The following NRG2 variants were observed in gnomAD, a reference collection of about 807,000 sequenced individuals.
NRG2 encodes the protein neuregulin 2.
A neutral mutation model predicts 73.9 loss-of-function variants in NRG2; 27 were observed. That is an observed-to-expected ratio of 0.37 (90% confidence interval 0.27 to 0.50). The LOEUF is 0.50. NRG2 is among the 20% of genes least tolerant of loss of function. NRG2 has a pLI of 0.96. For missense variants in NRG2, 1,126 were observed against 1,210.1 expected, an observed-to-expected ratio of 0.93 and a Z score of 1.03; for synonymous variants, 532 against 541.0, an observed-to-expected ratio of 0.98 and a Z score of 0.23.
intron 1 of NRG2, among the ~76,000 whole-genome samples, chr5:139,917,404 G>A (rs572223572): frequency 5.3e-5 from 8 of 152,006 alleles, no homozygotes; most frequent in African/African-American, 1.9e-4. Flanking sequence ...GGCATGCACC[G>A]CTGTGCCTGG....
chr5:139,892,024 C>T (rs1317782534), intron 1 of NRG2, among the ~76,000 whole-genome samples: 1 of 152,164 alleles, frequency 6.6e-6, no homozygotes, highest in East Asian at 1.9e-4. Context: ...TGCTAAAAGC[C>T]ATGCCTCCTG....
chr5:139,913,592 C>T (rs112451978), intron 1 of NRG2, among the ~76,000 whole-genome samples: 1,834 of 152,348 alleles, frequency 0.012, 10 homozygotes, highest in Middle Eastern at 0.041. Context: ...CCTTTGTGCC[C>T]TCTCCCCTGC....
chr5:139,963,480 T>G (rs1474893035), intron 1 of NRG2, among the ~76,000 whole-genome samples: 3 of 152,230 alleles, frequency 2.0e-5, no homozygotes, highest in Non-Finnish European at 4.4e-5. Context: ...AGCTAAGACA[T>G]ATCTCCCTGA....
chr5:139,884,072 G>C (rs1221231649), intron 2 of NRG2, among the ~76,000 whole-genome samples: 1 of 152,180 alleles, frequency 6.6e-6, no homozygotes, highest in African/African-American at 2.4e-5. Flanking sequence ...GGCTAGTCCT[G>C]CAAGATTCTC....
At chr5:140,001,358 T>C (rs1414343014) in intron 1 of NRG2, among the ~76,000 whole-genome samples, 5 of 152,198 alleles carry the variant, frequency 3.3e-5, no homozygotes, top group African/African-American at 1.2e-4. Flanking sequence ...TTTTCACACA[T>C]GGTTATCTCA....
At chr5:139,990,348 G>T (rs1476483938) in intron 1 of NRG2, among the ~76,000 whole-genome samples, 1 of 150,420 alleles carries the variant, frequency 6.6e-6, no homozygotes, top group Non-Finnish European at 1.5e-5. Context: ...TATCATCCAG[G>T]CTGGAGGGCA....
chr5:140,011,733 C>G (rs544508667), intron 1 of NRG2, among the ~76,000 whole-genome samples: 1 of 152,288 alleles, frequency 6.6e-6, no homozygotes, highest in East Asian at 1.9e-4. Context: ...TTATTTGTAG[C>G]CTTGTGAAAG....
chr5:139,917,537 C>T (rs769651531), intron 1 of NRG2, among the ~76,000 whole-genome samples: 1 of 152,198 alleles, frequency 6.6e-6, no homozygotes, highest in Non-Finnish European at 1.5e-5. Flanking sequence ...CAGGTGTAAG[C>T]CACTGTCCCC....
At chr5:139,860,564 G>C (rs1229364589) in intron 5 of NRG2, among the ~76,000 whole-genome samples, 1 of 152,116 alleles carries the variant, frequency 6.6e-6, no homozygotes, top group African/African-American at 2.4e-5. Flanking sequence ...ACTTGACACC[G>C]CAACACCCTA....
In NRG2 at chr5:139,894,492, G is replaced by A. The variant is rs1466668139; in HGVS notation, c.701-6981C>T. ...AACCCACTAAGCTAAAAACACAGCT[G>A]GTTTAAGTAGGCACAGACGGCCTAG... On this transcript the variant is annotated intron_variant, in intron 1 of 9. Transcript: ENST00000361474. This position sits in a 1 kb window ranked among gnomAD's most constrained non-coding sequence, Gnocchi z 5.0. 6.6e-6 allele frequency among the ~76,000 whole-genome samples: 1 copy of A among 151,804 alleles called. No homozygotes were observed. The highest frequency in any genetic ancestry group is 1.5e-5 in the Non-Finnish European group (1 of 67,918).
At chr5:139,850,975 C>T (rs1172641357) in intron 9 of NRG2, among the ~76,000 whole-genome samples, 1 of 152,078 alleles carries the variant, frequency 6.6e-6, no homozygotes, top group South Asian at 2.1e-4. Flanking sequence ...CAGAACAGCC[C>T]CTGTTTGTTC....
chr5:139,890,571 TC>T (rs1764154873), intron 1 of NRG2, among the ~76,000 whole-genome samples: 1 of 151,068 alleles, frequency 6.6e-6, no homozygotes, highest in Non-Finnish European at 1.5e-5. Flanking sequence ...GTGACTGAAA[TC>T]CTGCTTTATC....
chr5:140,021,366 A>G (rs1053355411), intron 1 of NRG2, among the ~76,000 whole-genome samples: 4 of 152,188 alleles, frequency 2.6e-5, no homozygotes, highest in African/African-American at 9.7e-5. Flanking sequence ...AGGTCCAATG[A>G]AAAATTCCAT....
Position 139,915,217 on chromosome 5 carries a change from C to T in NRG2, c.701-27706G>A, listed in dbSNP as rs1291440309. The stretch of plus-strand genomic sequence containing the variant: ...GTTGTGCTGTAAAATCATTATCTGA[C>T]AATCATAATTTTATTTTTAAGAGCT... On this transcript the variant is annotated intron_variant, in intron 1 of 9. Transcript: ENST00000361474. This position sits in a 1 kb window ranked among gnomAD's most constrained non-coding sequence, Gnocchi z 4.0. Among the ~76,000 whole-genome samples, 1 of 152,226 alleles carries T rather than the reference C, an allele frequency of 6.6e-6. No individual in the cohort carries two copies. Among genetic ancestry groups the T allele is most frequent in the East Asian group, 1.9e-4 (1 of 5,198 alleles).
At chr5:140,035,884 GA>G (rs552523444) in intron 1 of NRG2, among the ~76,000 whole-genome samples, 28 of 148,754 alleles carry the variant, frequency 1.9e-4, no homozygotes, top group Admixed American at 1.1e-3. Context: ...TCTGGGGAGA[GA>G]AAAAAAAAAG....
chr5:139,863,699 A>T (rs1247385182), intron 5 of NRG2, among the ~76,000 whole-genome samples: 2 of 152,110 alleles, frequency 1.3e-5, no homozygotes. Flanking sequence ...CTCCTGCTCT[A>T]CAGTCCTGCA....
At chr5:139,976,499 G>C (rs908155721) in intron 1 of NRG2, among the ~76,000 whole-genome samples, 1 of 152,184 alleles carries the variant, frequency 6.6e-6, no homozygotes, top group African/African-American at 2.4e-5. Flanking sequence ...AGGCCAAACA[G>C]TGGGCTCATT....
At chr5:139,933,986 C>A (rs966301790) in intron 1 of NRG2, among the ~76,000 whole-genome samples, 3 of 152,110 alleles carry the variant, frequency 2.0e-5, no homozygotes, top group African/African-American at 7.2e-5. Flanking sequence ...ATTGCTTGAG[C>A]TCAGGAGTTT....
intron 1 of NRG2, among the ~76,000 whole-genome samples, chr5:140,015,833 T>A (rs1357936185): frequency 6.6e-6 from 1 of 152,204 alleles, no homozygotes; most frequent in South Asian, 2.1e-4. Flanking sequence ...AAGTAACAGA[T>A]GCAAAACAGG....
Sources: gnomAD v4.1 joint callset for allele counts (sites outside exome capture counted in the v4.1 genomes callset) on GRCh38, gnomAD v4.1.1 for gene constraint, Gnocchi (gnomAD v3.1) non-coding constraint, MANE v1.5 for transcripts, NCBI Gene and HGNC (gene_info 2026-07-23, HGNC 2026-07-21) for gene names.